The following PAX2 variants were observed in gnomAD, a reference collection of about 807,000 sequenced individuals.
The protein encoded by PAX2 is paired box protein Pax-2.
A neutral mutation model predicts 41.7 loss-of-function variants in PAX2; 9 were observed. The ratio of observed to expected loss-of-function variants is 0.22; its 90% CI spans 0.13 to 0.38. The LOEUF is 0.38. Ranked by LOEUF, PAX2 falls within the 10% of genes least tolerant of loss-of-function variation. PAX2 has a pLI of 1.00. For missense variants in PAX2, 418 were observed against 531.6 expected, an observed-to-expected ratio of 0.79 and a Z score of 2.10; for synonymous variants, 221 against 212.7, an observed-to-expected ratio of 1.04 and a Z score of -0.34.
At chr10:100,766,388 A>G (rs1846031183) in intron 3 of PAX2, among the ~76,000 whole-genome samples, 1 of 152,228 alleles carries the variant, frequency 6.6e-6, no homozygotes, top group Non-Finnish European at 1.5e-5. Context: ...GATACTGGGA[A>G]GGAAGAAGAT....
Position 100,748,959 on chromosome 10 carries a change from G to C in PAX2, c.44-787G>C, listed in dbSNP as rs1661609321. 3 of 985,386 alleles carry C rather than the reference G, an allele frequency of 3.0e-6. No individual in the cohort carries two copies. Among genetic ancestry groups the C allele is most frequent in the Non-Finnish European group, 3.6e-6 (3 of 829,918 alleles). The allele number at this position is 985,386 out of a possible 1,614,324, so 61.0% of individuals were successfully genotyped here. ...CGCGGCAGGCAGGCGAGCCCAAGCA[G>C]CCGGCATTCTCTGCCTGCTGCCTGG... On this transcript the variant is annotated intron_variant, in intron 1 of 9. Transcript: ENST00000355243. The surrounding 1 kb of genome is among the most constrained non-coding windows in gnomAD (Gnocchi z 5.0).
chr10:100,805,969 T>G (rs1324235241), intron 5 of PAX2, among the ~76,000 whole-genome samples: 1 of 152,060 alleles, frequency 6.6e-6, no homozygotes, highest in Non-Finnish European at 1.5e-5. Context: ...AATTTGATGG[T>G]TTTCAACCCT....
At chr10:100,739,505 C>G (rs1233903890) in intron 1 of PAX2, among the ~76,000 whole-genome samples, 1 of 152,228 alleles carries the variant, frequency 6.6e-6, no homozygotes, top group Non-Finnish European at 1.5e-5. Flanking sequence ...CTGGGAAACT[C>G]AGCGCGGGTC....
At chr10:100,749,209 G>A (rs1294374330) in intron 1 of PAX2, 2 of 988,866 alleles carry the variant, frequency 2.0e-6, no homozygotes, top group African/African-American at 1.7e-5. Context: ...GAGAGCAAAG[G>A]GGGGTGTGTG....
intron 5 of PAX2, among the ~76,000 whole-genome samples, chr10:100,789,709 A>G (rs1210914554): frequency 1.3e-5 from 2 of 152,240 alleles, no homozygotes; most frequent in African/African-American, 2.4e-5. Context: ...GGGGGAAAAA[A>G]AACTCATTTA....
chr10:100,762,841 A>G (rs999786315), intron 3 of PAX2, among the ~76,000 whole-genome samples: 2 of 152,220 alleles, frequency 1.3e-5, no homozygotes, highest in African/African-American at 4.8e-5. Flanking sequence ...AGGCATGCAG[A>G]CTTCCAGAGA....
intron 7 of PAX2, 131 bp downstream of exon 7, chr10:100,809,367 C>A: frequency 1.1e-6 from 1 of 924,558 alleles, no homozygotes; most frequent in Non-Finnish European, 1.7e-6. Context: ...GCTTCTAAAA[C>A]CAGGGTGCTT....
chr10:100,787,098 T>A, intron 5 of PAX2: 2 of 672,638 alleles, frequency 3.0e-6, no homozygotes, highest in South Asian at 2.9e-5. Flanking sequence ...AGTGGGTTCC[T>A]AAGGGCCAGA....
At chr10:100,782,877 G>T (rs930351630) in intron 5 of PAX2, among the ~76,000 whole-genome samples, 6 of 152,236 alleles carry the variant, frequency 3.9e-5, no homozygotes, top group African/African-American at 1.4e-4. Context: ...CAAGTGCTTT[G>T]GTAGAATCTG....
At chr10:100,756,564 T>C (rs7894069) in intron 3 of PAX2, among the ~76,000 whole-genome samples, 7,921 of 152,330 alleles carry the variant, frequency 0.052, 574 homozygotes, top group African/African-American at 0.16. Flanking sequence ...TGGCCAACTG[T>C]AAATGTTTTG....
Position 100,826,889 on chromosome 10 carries a change from GC to G in PAX2, c.1022-117del. 1.4e-6 allele frequency: 1 copy of G among 736,134 alleles called. No individual in the cohort carries two copies. The highest frequency in any genetic ancestry group is 2.4e-6 in the Non-Finnish European group (1 of 412,512). 45.6% of individuals were successfully genotyped at this position (736,134 alleles called of 1,614,324 possible). A position where few individuals can be genotyped will look rare whatever the true frequency, so the allele number is the denominator to read the frequency against. ...GCCCGCCCGCCACGGCCATTACCCT[GC>G]CCGCGACACCTGCGCCTGAGACCCG... On this transcript the variant is annotated intron_variant, in intron 8 of 9. Coordinates refer to ENST00000355243, the MANE Select transcript of PAX2 (RefSeq NM_000278.5). The surrounding 1 kb of genome is among the most constrained non-coding windows in gnomAD (Gnocchi z 5.5).
At chr10:100,765,332 C>G (rs780040655) in intron 3 of PAX2, among the ~76,000 whole-genome samples, 5 of 152,132 alleles carry the variant, frequency 3.3e-5, no homozygotes, top group Non-Finnish European at 7.3e-5. Context: ...CCCATTCTTG[C>G]CTCAAGTTCT....
At chr10:100,769,716 T>A (rs1191376011) in intron 3 of PAX2, among the ~76,000 whole-genome samples, 2 of 151,422 alleles carry the variant, frequency 1.3e-5, no homozygotes, top group African/African-American at 2.4e-5. Context: ...GTTATTATTA[T>A]TAATAATAAT....
intron 6 of PAX2, 42 bp from the exon 7 acceptor site, chr10:100,809,068 C>T (rs192362854): frequency 1.5e-4 from 232 of 1,599,628 alleles, no homozygotes; most frequent in South Asian, 8.1e-4. Flanking sequence ...TTTCTCTGTG[C>T]GTGCATCAAT....
chr10:100,780,748 T>C (rs1467111953), intron 4 of PAX2, among the ~76,000 whole-genome samples: 1 of 152,114 alleles, frequency 6.6e-6, no homozygotes, highest in African/African-American at 2.4e-5. Context: ...AGCCACAGAC[T>C]CTAAATCAGG....
chr10:100,765,784 A>AAC (rs34862474), intron 3 of PAX2, among the ~76,000 whole-genome samples: 212 of 151,132 alleles, frequency 1.4e-3, no homozygotes, highest in African/African-American at 2.9e-3. Flanking sequence ...CTCTGCTTAA[A>AAC]ACACACACAC....
At chr10:100,770,878 G>A (rs181815103) in intron 3 of PAX2, among the ~76,000 whole-genome samples, 8 of 152,312 alleles carry the variant, frequency 5.3e-5, no homozygotes, top group Admixed American at 1.3e-4. Flanking sequence ...AATGTGGATC[G>A]ATAGAGTATG....
In PAX2 at chr10:100,750,038, G is replaced by A; in HGVS notation, c.212+124G>A. 1 of 1,090,076 alleles carries A rather than the reference G, an allele frequency of 9.2e-7. No individual in the cohort carries two copies. 67.5% of individuals were successfully genotyped at this position (1,090,076 alleles called of 1,614,324 possible). On this transcript the variant is annotated intron_variant, in intron 2 of 9. Coordinates refer to ENST00000355243, the MANE Select transcript of PAX2 (RefSeq NM_000278.5). This position sits in a 1 kb window ranked among gnomAD's most constrained non-coding sequence, Gnocchi z 4.1. Reference sequence around the variant, plus strand: ...AGCCAGAGAGGGAGATCCCCAAAGGGGTCTGGAGAGGTGCTCCTTTTGGAG... The same window carrying A: ...AGCCAGAGAGGGAGATCCCCAAAGGAGTCTGGAGAGGTGCTCCTTTTGGAG...
At position 100,791,756 on chromosome 10, in the gene PAX2, C is replaced by T. The variant is rs900678790; in HGVS notation, c.616+10391C>T. On this transcript the variant is annotated intron_variant, in intron 5 of 9. Transcript: ENST00000355243. This position sits in a 1 kb window ranked among gnomAD's most constrained non-coding sequence, Gnocchi z 4.5. ...GTTTGGTAGGAGTGACTCCAGGAGC[C>T]GTTCTTTCCTCCTTTCTTCCCTCCT... Among the ~76,000 whole-genome samples, 5 of 152,284 alleles carry T rather than the reference C, an allele frequency of 3.3e-5. No individual in the cohort carries two copies. The highest frequency in any genetic ancestry group is 6.8e-3 in the Middle Eastern group (2 of 294).
Sources: gnomAD v4.1 joint callset for allele counts (sites outside exome capture counted in the v4.1 genomes callset) on GRCh38, gnomAD v4.1.1 for gene constraint, Gnocchi (gnomAD v3.1) non-coding constraint, MANE v1.5 for transcripts, NCBI Gene and HGNC (gene_info 2026-07-23, HGNC 2026-07-21) for gene names.